The following SH3RF2 variants were observed in gnomAD, a reference collection of about 807,000 sequenced individuals.
SH3RF2 encodes E3 ubiquitin-protein ligase SH3RF2.
In SH3RF2, 43 loss-of-function variants were observed where a neutral mutation model predicts 59.0. The ratio of observed to expected loss-of-function variants is 0.73; its 90% CI spans 0.57 to 0.94. The LOEUF is 0.94. Ranked by LOEUF, SH3RF2 falls within the 40% of genes least tolerant of loss-of-function variation. SH3RF2 has a pLI of 0.00. For missense variants in SH3RF2, 930 were observed against 940.1 expected (o/e 0.99, Z 0.14); for synonymous variants, 391 against 391.5 (o/e 1.00, Z 0.01).
intron 9 of SH3RF2, among the ~76,000 whole-genome samples, chr5:146,072,936 G>T (rs906685449): frequency 6.6e-6 from 1 of 152,218 alleles, no homozygotes; most frequent in African/African-American, 2.4e-5. Context: ...TGGGGATTAA[G>T]TGAGACAATG....
intron 2 of SH3RF2, among the ~76,000 whole-genome samples, chr5:145,940,454 T>C (rs1353907161): frequency 6.6e-6 from 1 of 152,186 alleles, no homozygotes; most frequent in African/African-American, 2.4e-5. Flanking sequence ...AAAGCAACCA[T>C]GCATCCCACA....
intron 3 of SH3RF2, among the ~76,000 whole-genome samples, chr5:146,002,974 C>A (rs1283174668): frequency 6.6e-6 from 1 of 152,194 alleles, no homozygotes; most frequent in Non-Finnish European, 1.5e-5. Context: ...AGGTTGGGTA[C>A]CGCTGTGTAA....
chr5:146,019,839 T>A (rs926267873), intron 5 of SH3RF2, among the ~76,000 whole-genome samples: 4 of 152,132 alleles, frequency 2.6e-5, no homozygotes, highest in African/African-American at 7.2e-5. Context: ...TATATTTTTG[T>A]AAATATTTTT....
intron 2 of SH3RF2, among the ~76,000 whole-genome samples, chr5:145,991,356 A>T (rs1193420266): frequency 6.6e-6 from 1 of 152,240 alleles, no homozygotes; most frequent in Admixed American, 6.5e-5. Context: ...AAAGTGCAGT[A>T]GTGCAATAAT....
chr5:145,998,505 A>G (rs943506941), intron 2 of SH3RF2, among the ~76,000 whole-genome samples: 8 of 152,308 alleles, frequency 5.3e-5, no homozygotes, highest in Admixed American at 4.6e-4. Context: ...ATGGGAAAAA[A>G]AAGTATTATG....
In SH3RF2 at chr5:145,938,119, C is replaced by T. The variant is rs780094539; in HGVS notation, c.191C>T (p.Pro64Leu). The T allele has an allele frequency of 1.2e-6, 2 of 1,614,188 alleles. No individual in the cohort carries two copies. The highest frequency in any genetic ancestry group is 1.7e-6 in the Non-Finnish European group (2 of 1,180,036). Reference protein sequence around the residue: ...TPVFSNIEALPANLLLVRLLD... With the variant: ...TPVFSNIEALLANLLLVRLLD... ...GTGTTTTCCAACATTGAGGCGCTGCCGGCCAACCTGCTGCTCGTGCGCCTT... is the reference window on the plus strand; with the variant it reads ...GTGTTTTCCAACATTGAGGCGCTGCTGGCCAACCTGCTGCTCGTGCGCCTT... Residue 64 changes from proline to leucine, a missense_variant, in exon 2 of 10, where the codon CCG becomes CTG. Transcript: ENST00000359120.
At chr5:146,070,413 C>T (rs564663487) in intron 9 of SH3RF2, among the ~76,000 whole-genome samples, 227 of 152,288 alleles carry the variant, frequency 1.5e-3, no homozygotes, top group African/African-American at 5.2e-3. Flanking sequence ...AGTAAGATAA[C>T]TGAGAGTTTT....
intron 9 of SH3RF2, among the ~76,000 whole-genome samples, chr5:146,075,592 A>G (rs68022863): frequency 6.6e-6 from 1 of 151,716 alleles, no homozygotes; most frequent in African/African-American, 2.4e-5. Flanking sequence ...GGGTGGATCA[A>G]CTGAAGTCAG....
At chr5:145,970,028 G>T (rs1244523233) in intron 2 of SH3RF2, among the ~76,000 whole-genome samples, 1 of 152,080 alleles carries the variant, frequency 6.6e-6, no homozygotes, top group African/African-American at 2.4e-5. Flanking sequence ...TACTCATATT[G>T]CCTAATAATG....
chr5:146,038,088 T>G (rs544604078), intron 5 of SH3RF2, among the ~76,000 whole-genome samples: 1 of 152,326 alleles, frequency 6.6e-6, no homozygotes, highest in African/African-American at 2.4e-5. Flanking sequence ...AATGTGATAT[T>G]TTCAATAGGT....
chr5:146,055,952 CT>C (rs1482766933), intron 7 of SH3RF2, 28 bp from the exon 8 acceptor site: 4 of 1,599,122 alleles, frequency 2.5e-6, no homozygotes, highest in Non-Finnish European at 3.4e-6. Context: ...TCTATTTCTT[CT>C]CTTAAAAAAA....
intron 5 of SH3RF2, among the ~76,000 whole-genome samples, chr5:146,029,449 G>C: frequency 6.6e-6 from 1 of 152,180 alleles, no homozygotes; most frequent in East Asian, 1.9e-4. Flanking sequence ...GCGGGCCCAG[G>C]AGTAGGAAAT....
intron 2 of SH3RF2, among the ~76,000 whole-genome samples, chr5:145,972,469 A>G (rs1759124640): frequency 6.6e-6 from 1 of 152,018 alleles, no homozygotes; most frequent in African/African-American, 2.4e-5. Flanking sequence ...CACTACCACC[A>G]CCACCACCAC....
chr5:146,068,057 C>A (rs1763145739), downstream of SH3RF2, among the ~76,000 whole-genome samples: 2 of 152,254 alleles, frequency 1.3e-5, no homozygotes, highest in South Asian at 4.1e-4. Context: ...CTTTGACAAT[C>A]ACCTTCACCT....
intron 3 of SH3RF2, among the ~76,000 whole-genome samples, chr5:146,001,017 T>C (rs1183035336): frequency 1.3e-5 from 2 of 152,252 alleles, no homozygotes; most frequent in African/African-American, 4.8e-5. Flanking sequence ...AAACATCTCA[T>C]TCAAAACACT....
At chr5:146,073,513 T>A (rs961331604) in intron 9 of SH3RF2, among the ~76,000 whole-genome samples, 1 of 152,232 alleles carries the variant, frequency 6.6e-6, no homozygotes, top group Non-Finnish European at 1.5e-5. Context: ...CACTTTGTAA[T>A]TCAGAAAATG....
At chr5:145,946,120 A>G (rs572765294) in intron 2 of SH3RF2, among the ~76,000 whole-genome samples, 10 of 152,240 alleles carry the variant, frequency 6.6e-5, no homozygotes, top group African/African-American at 2.4e-4. Context: ...CCCCAGGGTC[A>G]CACTGCCCCA....
At chr5:146,022,909 ACACACACACACAC>A (rs1580874859) in intron 5 of SH3RF2, among the ~76,000 whole-genome samples, 2 of 150,008 alleles carry the variant, frequency 1.3e-5, no homozygotes, top group African/African-American at 2.4e-5. Flanking sequence ...ACACACACAC[ACACACACACACAC>A]AATTCCTTAA....
chr5:145,946,505 G>A (rs965672642), intron 2 of SH3RF2, among the ~76,000 whole-genome samples: 3 of 152,106 alleles, frequency 2.0e-5, no homozygotes, highest in African/African-American at 7.2e-5. Context: ...CCATTACAGA[G>A]CTATTTGAGA....
Sources: allele counts gnomAD v4.1 joint callset (sites outside exome capture counted in the v4.1 genomes callset), GRCh38; gene constraint gnomAD v4.1.1; transcripts MANE v1.5; gene names NCBI Gene and HGNC (gene_info 2026-07-23, HGNC 2026-07-21).